The following TENM3 variants were observed in gnomAD, a reference collection of about 807,000 sequenced individuals.
TENM3 encodes teneurin transmembrane protein 3.
In TENM3, 63 loss-of-function variants were observed where a neutral mutation model predicts 255.1. That is an observed-to-expected ratio of 0.25 (90% CI 0.20 to 0.30). The LOEUF (loss-of-function observed/expected upper bound fraction) is 0.30. TENM3 is among the 10% of genes least tolerant of loss of function. TENM3 has a pLI of 1.00. For missense variants in TENM3, 2,929 were observed against 3,461.1 expected, an observed-to-expected ratio of 0.85 and a Z score of 3.86; for synonymous variants, 1,306 against 1,322.3, an observed-to-expected ratio of 0.99 and a Z score of 0.27.
In TENM3 at chr4:182,195,328, C is replaced by T. The variant is rs139548033; in HGVS notation, c.-76+50574C>T. On this transcript the variant is annotated intron_variant, in intron 1 of 2. Coordinates refer to the TENM3 transcript ENST00000512480. ...AAGTGAATGAGGGAGAATATTTTAA[C>T]GTGGAATGCCACCTTAAAGCATGAC... Among the ~76,000 whole-genome samples, 737 of 152,180 alleles carry T rather than the reference C, an allele frequency of 4.8e-3. 13 individuals carry two copies. The highest frequency in any genetic ancestry group is 0.042 in the East Asian group (216 of 5,154).
At chr4:181,759,223 A>T in the TENM3 span, among the ~76,000 whole-genome samples, 5 of 152,140 alleles carry the variant, frequency 3.3e-5, no homozygotes. Flanking sequence ...ATTAAGTAGT[A>T]TATAATATTA....
At chr4:181,931,638 C>G in the TENM3 span, among the ~76,000 whole-genome samples, 641 of 152,290 alleles carry the variant, frequency 4.2e-3, 19 homozygotes, top group South Asian at 0.059. Flanking sequence ...CTACCATTGA[C>G]TTTCTTCACA....
intron 1 of TENM3, among the ~76,000 whole-genome samples, chr4:182,214,901 A>G (rs898292550): frequency 6.6e-6 from 1 of 152,194 alleles, no homozygotes; most frequent in Admixed American, 6.5e-5. Flanking sequence ...CATTATCAGT[A>G]TGTAAGAATG....
chr4:181,806,364 T>C, the TENM3 span, among the ~76,000 whole-genome samples: 1 of 152,226 alleles, frequency 6.6e-6, no homozygotes, highest in Non-Finnish European at 1.5e-5. Flanking sequence ...ACCTGTCTCT[T>C]GTACTTCTGG....
chr4:182,056,395 C>T, the TENM3 span, among the ~76,000 whole-genome samples: 3 of 152,274 alleles, frequency 2.0e-5, no homozygotes, highest in Non-Finnish European at 4.4e-5. Context: ...TTGCTGTTTT[C>T]GATGGCAGGC....
the TENM3 span, among the ~76,000 whole-genome samples, chr4:182,070,490 G>A: frequency 5.3e-5 from 8 of 152,058 alleles, no homozygotes; most frequent in Non-Finnish European, 7.3e-5. Flanking sequence ...AGCGGCACAC[G>A]CCTATAATCC....
At chr4:182,547,183 A>G (rs530320876) in intron 3 of TENM3, among the ~76,000 whole-genome samples, 2 of 152,140 alleles carry the variant, frequency 1.3e-5, no homozygotes, top group South Asian at 4.1e-4. Context: ...TGTTTGCTTT[A>G]CAAACACGTC....
At chr4:181,893,668 C>T in the TENM3 span, among the ~76,000 whole-genome samples, 1 of 151,966 alleles carries the variant, frequency 6.6e-6, no homozygotes. Context: ...GAAATGTTCT[C>T]GTGAATATGC....
intron 3 of TENM3, among the ~76,000 whole-genome samples, chr4:182,364,158 T>C (rs1766231102): frequency 1.3e-5 from 2 of 151,816 alleles, no homozygotes; most frequent in Admixed American, 6.6e-5. Flanking sequence ...AGTAAAATGA[T>C]GGGATACGAC....
chr4:182,014,013 TACGTGTATATACGTATATAC>T, the TENM3 span, among the ~76,000 whole-genome samples: 22 of 63,924 alleles, frequency 3.4e-4, no homozygotes, highest in African/African-American at 1.4e-3. Flanking sequence ...TACGTATATA[TACGTGTATATACGTATATAC>T]ACATATATAC....
chr4:181,864,364 G>C, the TENM3 span, among the ~76,000 whole-genome samples: 7 of 152,070 alleles, frequency 4.6e-5, no homozygotes, highest in Non-Finnish European at 1.0e-4. Flanking sequence ...TTCCCAGATG[G>C]AGATTTCATT....
chr4:181,472,529 G>A, the TENM3 span, among the ~76,000 whole-genome samples: 1 of 152,014 alleles, frequency 6.6e-6, no homozygotes, highest in Non-Finnish European at 1.5e-5. Flanking sequence ...CCAGATAAGG[G>A]GATGATTCCT....
intron 3 of TENM3, among the ~76,000 whole-genome samples, chr4:182,452,198 G>A (rs922010314): frequency 6.6e-6 from 1 of 152,188 alleles, no homozygotes; most frequent in African/African-American, 2.4e-5. Flanking sequence ...TGAGAAATAG[G>A]ATGTTCTTCC....
the TENM3 span, among the ~76,000 whole-genome samples, chr4:181,457,953 T>C: frequency 6.6e-6 from 1 of 151,920 alleles, no homozygotes; most frequent in African/African-American, 2.4e-5. Context: ...AGCTTATTTT[T>C]AAATTTAAAA....
the TENM3 span, among the ~76,000 whole-genome samples, chr4:182,010,225 T>TAC: frequency 6.6e-6 from 1 of 152,226 alleles, no homozygotes; most frequent in African/African-American, 2.4e-5. Context: ...ACTTTGTTCT[T>TAC]CTCTTCAGTT....
At chr4:182,291,921 C>T (rs569235345) in intron 1 of TENM3, among the ~76,000 whole-genome samples, 4 of 152,188 alleles carry the variant, frequency 2.6e-5, no homozygotes, top group South Asian at 2.1e-4. Flanking sequence ...ATGTTATGTG[C>T]GTCACATTTC....
chr4:182,248,291 A>G (rs1213211736), intron 1 of TENM3, among the ~76,000 whole-genome samples: 1 of 152,232 alleles, frequency 6.6e-6, no homozygotes, highest in East Asian at 1.9e-4. Flanking sequence ...ATAAAGTGTC[A>G]CTAAAAAAGT....
chr4:182,156,445 G>C (rs960918582), intron 1 of TENM3, among the ~76,000 whole-genome samples: 1 of 152,056 alleles, frequency 6.6e-6, no homozygotes, highest in African/African-American at 2.4e-5. Context: ...GGGTACGGAT[G>C]ATCTCGTCAC....
the TENM3 span, among the ~76,000 whole-genome samples, chr4:181,464,329 T>C: frequency 2.0e-5 from 3 of 152,212 alleles, no homozygotes; most frequent in African/African-American, 7.2e-5. Context: ...GTCTGTCCTT[T>C]TTATTTTAGC....
Sources: gnomAD v4.1 joint callset for allele counts (sites outside exome capture counted in the v4.1 genomes callset) on GRCh38, gnomAD v4.1.1 for gene constraint, MANE v1.5 for transcripts, NCBI Gene and HGNC (gene_info 2026-07-23, HGNC 2026-07-21) for gene names.